PDE4D: variants seen among roughly 807,000 people sequenced by gnomAD.
PDE4D encodes the protein 3',5'-cyclic-AMP phosphodiesterase 4D.
PDE4D carries 24 observed loss-of-function variants against 87.4 expected under a neutral mutation model. The ratio of observed to expected loss-of-function variants is 0.27; its 90% CI spans 0.20 to 0.39. The LOEUF (loss-of-function observed/expected upper bound fraction) is 0.39, where lower values mean the gene tolerates loss of function less well. Ranked by LOEUF, PDE4D falls within the 10% of genes least tolerant of loss-of-function variation. The pLI is 1.00. For missense variants in PDE4D, 714 were observed against 1,041.0 expected (o/e 0.69, Z 4.32); for synonymous variants, 384 against 383.2 (o/e 1.00, Z -0.02).
intron 5 of PDE4D, among the ~76,000 whole-genome samples, chr5:59,176,771 C>A (rs372976294): frequency 6.6e-6 from 1 of 152,098 alleles, no homozygotes; most frequent in East Asian, 1.9e-4. Context: ...CTCCTTCAAA[C>A]AACTATGACT....
At chr5:59,916,769 C>T (rs1263021186) in intron 3 of PDE4D, among the ~76,000 whole-genome samples, 2 of 151,702 alleles carry the variant, frequency 1.3e-5, no homozygotes, top group Non-Finnish European at 2.9e-5. Flanking sequence ...TTTTGCAAAT[C>T]TATAAAACTA....
At chr5:59,410,728 T>C (rs2153620592) in intron 1 of PDE4D, among the ~76,000 whole-genome samples, 1 of 152,292 alleles carries the variant, frequency 6.6e-6, no homozygotes, top group Non-Finnish European at 1.5e-5. Flanking sequence ...TGCATGTTTT[T>C]TTGCATCCAT....
chr5:59,582,897 A>G (rs1163624578), intron 1 of PDE4D, among the ~76,000 whole-genome samples: 1 of 152,166 alleles, frequency 6.6e-6, no homozygotes, highest in Non-Finnish European at 1.5e-5. Flanking sequence ...GCACCAAATA[A>G]GCAAATCATT....
chr5:60,136,327 T>A (rs112729332), intron 2 of PDE4D, among the ~76,000 whole-genome samples: 1 of 142,828 alleles, frequency 7.0e-6, no homozygotes, highest in Admixed American at 7.1e-5. Context: ...TTTTTTTTTT[T>A]AATTTTTGAG....
At chr5:59,708,088 G>A (rs141410406) in intron 1 of PDE4D, among the ~76,000 whole-genome samples, 1,650 of 152,214 alleles carry the variant, frequency 0.011, 24 homozygotes, top group African/African-American at 0.038. Context: ...GTGTAAAAGC[G>A]TTCCTACTTC....
rs1554121975 is a variant in PDE4D, at chr5:59,287,734, G to GAGAGAGAC, written c.456-71767_456-71766insGTCTCTCT. Among the ~76,000 whole-genome samples the GAGAGAGAC allele has an allele frequency of 4.0e-4, 61 of 151,388 alleles. 2 individuals carry two copies. The highest frequency in any genetic ancestry group is 1.5e-3 in the African/African-American group (60 of 41,102). ...AGACACACACAGAGAGAGAGAGAGA[G>GAGAGAGAC]AGACAGACAGACAGACAGACAGACT... On this transcript the variant is annotated intron_variant, in intron 1 of 14. Transcript: ENST00000340635.
chr5:59,542,240 C>G (rs749196802), intron 1 of PDE4D, among the ~76,000 whole-genome samples: 3 of 152,044 alleles, frequency 2.0e-5, no homozygotes, highest in Non-Finnish European at 2.9e-5. Flanking sequence ...TCCCTCACAG[C>G]CACCCAAATC....
intron 1 of PDE4D, among the ~76,000 whole-genome samples, chr5:60,241,800 A>T (rs1040804218): frequency 1.3e-5 from 2 of 152,170 alleles, no homozygotes; most frequent in Non-Finnish European, 2.9e-5. Flanking sequence ...ATATCCAAGT[A>T]TAAGAAAATT....
intron 1 of PDE4D, among the ~76,000 whole-genome samples, chr5:60,422,632 T>A (rs983294870): frequency 2.6e-5 from 4 of 152,110 alleles, no homozygotes; most frequent in Admixed American, 2.0e-4. Context: ...AGAAACTGCA[T>A]CAACTAATGG....
intron 2 of PDE4D, among the ~76,000 whole-genome samples, chr5:60,123,234 G>A (rs1163558426): frequency 1.3e-5 from 2 of 152,064 alleles, no homozygotes; most frequent in Admixed American, 6.6e-5. Context: ...TTCCAAAGTC[G>A]CTTCCACATT....
intron 1 of PDE4D, among the ~76,000 whole-genome samples, chr5:59,677,792 T>A (rs1299942687): frequency 6.6e-6 from 1 of 152,172 alleles, no homozygotes; most frequent in Non-Finnish European, 1.5e-5. Flanking sequence ...CAATACCCAG[T>A]GAGTTGTCCC....
At chr5:59,555,687 T>A (rs1818787116) in intron 1 of PDE4D, among the ~76,000 whole-genome samples, 1 of 152,126 alleles carries the variant, frequency 6.6e-6, no homozygotes, top group Non-Finnish European at 1.5e-5. Flanking sequence ...GTGAACTCTG[T>A]ATCTAGTTAA....
chr5:59,695,728 A>G (rs1047649944), intron 1 of PDE4D, among the ~76,000 whole-genome samples: 2 of 152,052 alleles, frequency 1.3e-5, no homozygotes, highest in African/African-American at 4.8e-5. Context: ...CAGCCCCCCA[A>G]GTAGCTGGGA....
intron 1 of PDE4D, among the ~76,000 whole-genome samples, chr5:60,202,981 T>G (rs1742099355): frequency 6.6e-6 from 1 of 152,206 alleles, no homozygotes; most frequent in Admixed American, 6.5e-5. Context: ...ACAATGTGAA[T>G]AATTTTTTGA....
intron 1 of PDE4D, among the ~76,000 whole-genome samples, chr5:59,601,156 C>T (rs1827448930): frequency 6.6e-6 from 1 of 152,104 alleles, no homozygotes; most frequent in African/African-American, 2.4e-5. Flanking sequence ...GATATGTTTG[C>T]AGACTAACAC....
At chr5:59,161,065 A>C (rs189563956) in intron 5 of PDE4D, among the ~76,000 whole-genome samples, 18 of 152,320 alleles carry the variant, frequency 1.2e-4, no homozygotes, top group African/African-American at 4.1e-4. Context: ...ATTGCACTCC[A>C]GCCTGGGCAA....
At chr5:59,058,081 T>A (rs1561404732) in intron 5 of PDE4D, among the ~76,000 whole-genome samples, 1 of 152,208 alleles carries the variant, frequency 6.6e-6, no homozygotes, top group African/African-American at 2.4e-5. Flanking sequence ...CATTTTTTGA[T>A]CTCTGGTGCT....
At chr5:60,190,543 T>C (rs1437038259) in intron 1 of PDE4D, among the ~76,000 whole-genome samples, 2 of 152,196 alleles carry the variant, frequency 1.3e-5, no homozygotes, top group Non-Finnish European at 2.9e-5. Context: ...CTAGAGGCTA[T>C]AGAATCTGAG....
At chr5:59,822,383 T>G (rs1735188058) in intron 1 of PDE4D, among the ~76,000 whole-genome samples, 1 of 152,176 alleles carries the variant, frequency 6.6e-6, no homozygotes. Context: ...GGTAGATAGA[T>G]TAATCTCACT....
Sources: gnomAD v4.1 joint callset for allele counts (sites outside exome capture counted in the v4.1 genomes callset) on GRCh38, gnomAD v4.1.1 for gene constraint, MANE v1.5 for transcripts, NCBI Gene and HGNC (gene_info 2026-07-23, HGNC 2026-07-21) for gene names.